The following CCDC14 variants were observed in gnomAD, a reference collection of about 807,000 sequenced individuals.
The protein encoded by CCDC14 is coiled-coil domain-containing protein 14.
A neutral mutation model predicts 81.4 loss-of-function variants in CCDC14; 71 were observed. The observed-to-expected ratio is 0.87, with a 90% CI of 0.72 to 1.06. The LOEUF is 1.06. Ranked by LOEUF, CCDC14 falls within the 50% of genes least tolerant of loss-of-function variation. The probability of loss-of-function intolerance (pLI) is 0.00; values close to 1 mark genes in which losing one functional copy is unlikely to be tolerated. For synonymous variants in CCDC14, 332 were observed against 364.8 expected (o/e 0.91, Z 1.03); for missense variants, 1,046 against 1,047.3 (o/e 1.00, Z 0.02).
chr3:123,961,205 G>A lies in CCDC14; in HGVS notation c.-32C>T, dbSNP rs1489664022. ...CCGCCTCAGAGAAGCCCAGACCGAG[G>A]GAAGTGAAGCCTCACGGTAAAAAGA... On this transcript the variant is annotated 5_prime_UTR_variant, in exon 1 of 13. Coordinates refer to ENST00000409697, the MANE Select transcript of CCDC14 (RefSeq NM_001366335.1). 1.9e-6 allele frequency: 3 copies of A among 1,551,602 alleles called. No homozygotes were observed. Among genetic ancestry groups the A allele is most frequent in the Non-Finnish European group, 2.6e-6 (3 of 1,146,992 alleles).
chr3:123,939,007 A>C (rs1030657869), intron 9 of CCDC14, among the ~76,000 whole-genome samples: 1 of 151,944 alleles, frequency 6.6e-6, no homozygotes, highest in African/African-American at 2.4e-5. Flanking sequence ...TTCAATGTTC[A>C]CATCTGTCTA....
chr3:123,889,283 C>T, the CCDC14 span, among the ~76,000 whole-genome samples: 95 of 152,074 alleles, frequency 6.2e-4, 1 homozygote, highest in Admixed American at 3.0e-3. Context: ...TGTGGTGGCA[C>T]GTGCCTGTAA....
chr3:123,897,950 T>C (rs762523589), intron 5 of CCDC14, among the ~76,000 whole-genome samples: 50 of 152,238 alleles, frequency 3.3e-4, no homozygotes, highest in South Asian at 1.0e-3. Flanking sequence ...GTAAGACCTC[T>C]GATGTATACA....
At chr3:123,894,579 A>G (rs2034033298), downstream of CCDC14, among the ~76,000 whole-genome samples, 1 of 152,234 alleles carries the variant, frequency 6.6e-6, no homozygotes, top group African/African-American at 2.4e-5. Context: ...CTTCCAATGC[A>G]TAAACACAGA....
chr3:123,886,346 CTTTTTCTTTCTT>C, the CCDC14 span, among the ~76,000 whole-genome samples: 3 of 150,138 alleles, frequency 2.0e-5, no homozygotes, highest in South Asian at 2.1e-4. Context: ...TTCTCTCTCT[CTTTTTCTTTCTT>C]TTTTTCTTTC....
intron 5 of CCDC14, among the ~76,000 whole-genome samples, chr3:123,951,257 G>C (rs2037002653): frequency 6.6e-6 from 1 of 152,122 alleles, no homozygotes; most frequent in Non-Finnish European, 1.5e-5. Context: ...AAAACTCAAT[G>C]TTAAATATCA....
At chr3:123,944,067 G>C (rs1472370012) in intron 9 of CCDC14, among the ~76,000 whole-genome samples, 1 of 152,080 alleles carries the variant, frequency 6.6e-6, no homozygotes, top group African/African-American at 2.4e-5. Context: ...GTGGAACTGA[G>C]CTCTCAACCT....
At chr3:123,892,454 G>A (rs1314843655), downstream of CCDC14, among the ~76,000 whole-genome samples, 1 of 151,964 alleles carries the variant, frequency 6.6e-6, no homozygotes, top group African/African-American at 2.4e-5. Flanking sequence ...TGATAGGAGG[G>A]GCTACAGTGA....
chr3:123,959,514 T>C (rs534405740), intron 1 of CCDC14, among the ~76,000 whole-genome samples: 6 of 152,354 alleles, frequency 3.9e-5, no homozygotes, highest in South Asian at 4.1e-4. Context: ...AAATTCCTTA[T>C]ATGTATTTTG....
Position 123,956,764 on chromosome 3 carries a change from G to T in CCDC14, c.62C>A (p.Ala21Asp). 1 of 1,547,386 alleles carries T rather than the reference G, an allele frequency of 6.5e-7. No individual in the cohort carries two copies. Among genetic ancestry groups the T allele is most frequent in the Non-Finnish European group, 8.7e-7 (1 of 1,143,864 alleles). Reference protein sequence around the residue: ...VLSSGRHTGPAKLTNGKKATY... With the variant: ...VLSSGRHTGPDKLTNGKKATY... ...CGCTTTCTTTCCATTTGTTAATTTA[G>T]CAGGTCCAGTGTGCCTTCCTGAAGA... The change falls in exon 2 of 13, where the codon GCT becomes GAT. Residue 21 changes from alanine (A) to aspartate (D), a missense_variant. Transcript: ENST00000409697.
chr3:123,913,545 T>C lies in CCDC14; in HGVS notation c.*1234A>G. ...TACTAAATAAAATTAAAGATGCTAATGGACTCTTGTGTGAAATAGTTTAGA... is the reference window on the plus strand; with the variant it reads ...TACTAAATAAAATTAAAGATGCTAACGGACTCTTGTGTGAAATAGTTTAGA... On this transcript the variant is annotated 3_prime_UTR_variant, in exon 13 of 13. Coordinates refer to ENST00000409697, the MANE Select transcript of CCDC14 (RefSeq NM_001366335.1). 1.0e-6 allele frequency: 1 copy of C among 980,856 alleles called. No individual in the cohort carries two copies. The highest frequency in any genetic ancestry group is 4.7e-5 in the South Asian group (1 of 21,196). 60.8% of individuals were successfully genotyped at this position (980,856 alleles called of 1,614,324 possible). A position where few individuals can be genotyped will look rare whatever the true frequency, so the allele number is the denominator to read the frequency against.
At chr3:123,953,005 A>G (rs938918887) in intron 5 of CCDC14, 1 of 166,664 alleles carries the variant, frequency 6.0e-6, no homozygotes, top group Non-Finnish European at 1.3e-5. Flanking sequence ...AGAAAGAACA[A>G]TAAGAATATT....
chr3:123,890,768 T>C, the CCDC14 span, among the ~76,000 whole-genome samples: 2 of 152,170 alleles, frequency 1.3e-5, no homozygotes, highest in African/African-American at 4.8e-5. Flanking sequence ...TCAGTGGATC[T>C]ACCATTCTGG....
At chr3:123,890,265 TG>T in the CCDC14 span, among the ~76,000 whole-genome samples, 1 of 152,212 alleles carries the variant, frequency 6.6e-6, no homozygotes, top group African/African-American at 2.4e-5. Flanking sequence ...CATATTATTC[TG>T]CCCCGGCATC....
At chr3:123,926,921 C>T (rs887435886) in intron 12 of CCDC14, among the ~76,000 whole-genome samples, 3 of 152,190 alleles carry the variant, frequency 2.0e-5, no homozygotes, top group East Asian at 1.9e-4. Context: ...GTAGATTTAT[C>T]TGTACTGTCG....
At chr3:123,953,369 G>A (rs1577333593) in intron 5 of CCDC14, 1 of 152,370 alleles carries the variant, frequency 6.6e-6, no homozygotes, top group East Asian at 1.9e-4. Context: ...CCCAAGCTCA[G>A]TGTTCCTCAG....
intron 12 of CCDC14, among the ~76,000 whole-genome samples, chr3:123,920,448 C>G (rs1411403147): frequency 6.6e-6 from 1 of 152,150 alleles, no homozygotes; most frequent in Non-Finnish European, 1.5e-5. Context: ...CCAAGACACA[C>G]CATAACTGAA....
intron 5 of CCDC14, among the ~76,000 whole-genome samples, chr3:123,907,550 A>C (rs1213456862): frequency 6.6e-6 from 1 of 151,888 alleles, no homozygotes; most frequent in African/African-American, 2.4e-5. Flanking sequence ...TCCACACAAA[A>C]AAAAAAAAAT....
At chr3:123,920,239 G>A (rs936541675) in intron 12 of CCDC14, among the ~76,000 whole-genome samples, 1 of 152,018 alleles carries the variant, frequency 6.6e-6, no homozygotes, top group East Asian at 1.9e-4. Context: ...GAATGAAAAA[G>A]AATGAAGAAA....
Sources: gnomAD v4.1 joint callset for allele counts (sites outside exome capture counted in the v4.1 genomes callset) on GRCh38, gnomAD v4.1.1 for gene constraint, MANE v1.5 for transcripts, NCBI Gene and HGNC (gene_info 2026-07-23, HGNC 2026-07-21) for gene names.